Variants in SPRED2 observed in about 807,000 individuals in gnomAD.
SPRED2 encodes sprouty related EVH1 domain containing 2, also known as sprouty-related, EVH1 domain-containing protein 2.
Under a neutral mutation model 43.0 loss-of-function variants are expected in SPRED2, and 47 were observed. That is an observed-to-expected ratio of 1.09 (90% CI 0.87 to 1.40). The LOEUF (loss-of-function observed/expected upper bound fraction) is 1.40. SPRED2 is among the 40% of genes most tolerant of loss of function. The pLI is 0.00. For synonymous variants in SPRED2, 225 were observed against 225.7 expected (o/e 1.00, Z 0.03); for missense variants, 561 against 586.4 (o/e 0.96, Z 0.45).
Position 65,311,901 on chromosome 2 carries a change from G to A in SPRED2, c.*1600C>T. 1.0e-6 allele frequency: 1 copy of A among 985,432 alleles called. No individual in the cohort carries two copies. The highest frequency in any genetic ancestry group is 4.7e-5 in the South Asian group (1 of 21,288). The allele number at this position is 985,432 out of a possible 1,614,324, so 61.0% of individuals were successfully genotyped here. A position where few individuals can be genotyped will look rare whatever the true frequency, so the allele number is the denominator to read the frequency against. On this transcript the variant is annotated 3_prime_UTR_variant, in exon 6 of 6. Coordinates refer to ENST00000356388, the MANE Select transcript of SPRED2 (RefSeq NM_181784.3). ...AAAAAGTCCCTTTCCTTGAAGACTG[G>A]TGTCCTGTGTGCAATAAAGAAGGAG...
intron 1 of SPRED2, among the ~76,000 whole-genome samples, chr2:65,419,489 C>T (rs550396423): frequency 1.3e-4 from 20 of 152,200 alleles, no homozygotes; most frequent in African/African-American, 3.6e-4. Flanking sequence ...ATCCAGAATG[C>T]GGTTCATAAC....
At chr2:65,377,947 C>T in intron 1 of SPRED2, 2 of 293,884 alleles carry the variant, frequency 6.8e-6, no homozygotes, top group South Asian at 6.6e-5. Context: ...GGGAACATGC[C>T]TTCAGGCAGA....
Position 65,342,188 on chromosome 2 carries a change from A to G in SPRED2, c.204+2531T>C, listed in dbSNP as rs12471380. Among the ~76,000 whole-genome samples, 399 of 147,738 alleles carry G rather than the reference A, an allele frequency of 2.7e-3. 18 individuals carry two copies. In the East Asian group the frequency reaches 0.05, roughly 19 times the overall value. Reference sequence around the variant, plus strand: ...TACATATATTATGTATGTATATTTTATATACGTATATTATGTATGTATATT... The same window carrying G: ...TACATATATTATGTATGTATATTTTGTATACGTATATTATGTATGTATATT... On this transcript the variant is annotated intron_variant, in intron 2 of 5. Transcript: ENST00000356388.
chr2:65,334,675 A>AGT lies in SPRED2; in HGVS notation c.301_302dup (p.Phe102LeufsTer15). 1 of 1,614,240 alleles carries AGT rather than the reference A, an allele frequency of 6.2e-7. No individual in the cohort carries two copies. Among genetic ancestry groups the AGT allele is most frequent in the Non-Finnish European group, 8.5e-7 (1 of 1,180,038 alleles). On this transcript the variant is annotated frameshift_variant, in exon 3 of 6. Coordinates refer to ENST00000356388, the MANE Select transcript of SPRED2 (RefSeq NM_181784.3). LOFTEE classifies it high-confidence loss of function. ...CTCGGGCATCAGCAGGGCTTTGGAA[A>AGT]GTAAGTCCAAACTTCCTATTATCGA... is the stretch of plus-strand genomic sequence containing the variant.
chr2:65,401,298 T>C (rs1423152576), intron 1 of SPRED2, among the ~76,000 whole-genome samples: 1 of 152,010 alleles, frequency 6.6e-6, no homozygotes, highest in Non-Finnish European at 1.5e-5. Context: ...TTTACAGTTT[T>C]GGGAGGAAGC....
chr2:65,420,060 AT>A (rs1382306857), intron 1 of SPRED2, among the ~76,000 whole-genome samples: 1 of 151,924 alleles, frequency 6.6e-6, no homozygotes, highest in Non-Finnish European at 1.5e-5. Context: ...AAATACAAAA[AT>A]TAGCTGGGCG....
chr2:65,406,385 A>G (rs1676024120), intron 1 of SPRED2, among the ~76,000 whole-genome samples: 3 of 152,232 alleles, frequency 2.0e-5, no homozygotes. Flanking sequence ...AACAGAGAGC[A>G]ACACCAACCC....
intron 1 of SPRED2, among the ~76,000 whole-genome samples, chr2:65,381,847 T>G (rs919372311): frequency 6.6e-6 from 1 of 152,206 alleles, no homozygotes; most frequent in Non-Finnish European, 1.5e-5. Flanking sequence ...AGGGAATTAC[T>G]TGGGGGCTTT....
rs1250667440 is a variant in SPRED2, at chr2:65,422,388, C to T, written c.26+9574G>A. On this transcript the variant is annotated intron_variant, in intron 1 of 5. Transcript: ENST00000356388. ...TCAGTCATCAAGAGGGCTGTCCTCA[C>T]ACCTTAAAGCAGATGAAACTGTCTA... 2.0e-5 allele frequency among the ~76,000 whole-genome samples: 3 copies of T among 152,162 alleles called. No homozygotes were observed. The East Asian group carries it at 5.8e-4, about 29-fold the overall frequency.
At chr2:65,420,645 G>T (rs1676401293) in intron 1 of SPRED2, among the ~76,000 whole-genome samples, 1 of 152,166 alleles carries the variant, frequency 6.6e-6, no homozygotes, top group African/African-American at 2.4e-5. Flanking sequence ...AGGAGAATTA[G>T]GGAGAACTCC....
chr2:65,322,955 C>A (rs530100807), intron 4 of SPRED2, among the ~76,000 whole-genome samples: 8 of 152,114 alleles, frequency 5.3e-5, no homozygotes, highest in Admixed American at 3.3e-4. Flanking sequence ...TACATTCTAC[C>A]GGTCTTTCAC....
intron 1 of SPRED2, among the ~76,000 whole-genome samples, chr2:65,355,515 G>C (rs1674623345): frequency 6.6e-6 from 1 of 152,116 alleles, no homozygotes; most frequent in Admixed American, 6.6e-5. Context: ...TCAGGAGTTT[G>C]AGACTAGCCT....
At chr2:65,322,066 C>T (rs962641413) in intron 4 of SPRED2, among the ~76,000 whole-genome samples, 48 of 151,970 alleles carry the variant, frequency 3.2e-4, no homozygotes, top group African/African-American at 8.7e-4. Flanking sequence ...TGAGCTACCA[C>T]GCCTGGCCTA....
At chr2:65,380,377 T>G (rs1237799878) in intron 1 of SPRED2, among the ~76,000 whole-genome samples, 1 of 152,206 alleles carries the variant, frequency 6.6e-6, no homozygotes, top group Non-Finnish European at 1.5e-5. Flanking sequence ...TTAAAGCTTT[T>G]GCCCCAGGAG....
intron 1 of SPRED2, among the ~76,000 whole-genome samples, chr2:65,415,859 C>T (rs1390340521): frequency 6.6e-6 from 1 of 152,090 alleles, no homozygotes; most frequent in East Asian, 1.9e-4. Flanking sequence ...TATTGGTCAT[C>T]TAATTTGAAA....
chr2:65,332,089 G>A, intron 3 of SPRED2, 38 bp from the exon 4 acceptor site: 1 of 1,378,648 alleles, frequency 7.3e-7, no homozygotes, highest in East Asian at 2.3e-5. Context: ...TGTTTCCCAA[G>A]AGGATACATC....
At chr2:65,365,889 A>C (rs1451047821) in intron 1 of SPRED2, among the ~76,000 whole-genome samples, 1 of 152,204 alleles carries the variant, frequency 6.6e-6, no homozygotes, top group Non-Finnish European at 1.5e-5. Context: ...ACAGGCAGAC[A>C]CAGCCTCCCA....
At chr2:65,362,263 G>GT (rs764010902) in intron 1 of SPRED2, among the ~76,000 whole-genome samples, 37 of 150,626 alleles carry the variant, frequency 2.5e-4, no homozygotes, top group East Asian at 2.4e-3. Flanking sequence ...GTCATCATCT[G>GT]TTTTTTTTTG....
intron 1 of SPRED2, among the ~76,000 whole-genome samples, chr2:65,375,561 T>C (rs1462896507): frequency 1.3e-5 from 2 of 152,194 alleles, no homozygotes; most frequent in Non-Finnish European, 2.9e-5. Flanking sequence ...AAAGTAAGTG[T>C]CAGCTGGCTA....
Sources: allele counts gnomAD v4.1 joint callset (sites outside exome capture counted in the v4.1 genomes callset), GRCh38; gene constraint gnomAD v4.1.1; transcripts MANE v1.5; gene names NCBI Gene and HGNC (gene_info 2026-07-23, HGNC 2026-07-21).